FCHSD2: variants seen among roughly 807,000 people sequenced by gnomAD.
The protein encoded by FCHSD2 is FCH and double SH3 domains 2, also known as F-BAR and double SH3 domains protein 2.
Under a neutral mutation model 108.1 loss-of-function variants are expected in FCHSD2, and 38 were observed. The ratio of observed to expected loss-of-function variants is 0.35; its 90% CI spans 0.27 to 0.46. The LOEUF (loss-of-function observed/expected upper bound fraction) is 0.46, where lower values mean the gene tolerates loss of function less well. FCHSD2 is among the 20% of genes least tolerant of loss of function. FCHSD2 has a pLI of 1.00. For missense variants in FCHSD2, 751 were observed against 897.8 expected (o/e 0.84, Z 2.09); for synonymous variants, 279 against 314.7 (o/e 0.89, Z 1.20).
chr11:72,967,156 C>T (rs1205042384), intron 8 of FCHSD2, among the ~76,000 whole-genome samples: 3 of 150,000 alleles, frequency 2.0e-5, no homozygotes, highest in South Asian at 2.1e-4. Flanking sequence ...GCTGAGATCG[C>T]GCCACTGCAC....
At chr11:72,993,596 A>G (rs935307440) in intron 5 of FCHSD2, among the ~76,000 whole-genome samples, 5 of 152,314 alleles carry the variant, frequency 3.3e-5, no homozygotes, top group Admixed American at 3.3e-4. Flanking sequence ...TGATGAGTTC[A>G]TGTCCTTTGT....
chr11:73,067,137 T>C (rs1379926646), intron 3 of FCHSD2, among the ~76,000 whole-genome samples: 3 of 152,124 alleles, frequency 2.0e-5, no homozygotes, highest in East Asian at 1.9e-4. Context: ...ATATACACCA[T>C]GGAATACCAT....
At chr11:73,022,743 A>G (rs1319455942) in intron 3 of FCHSD2, among the ~76,000 whole-genome samples, 1 of 152,152 alleles carries the variant, frequency 6.6e-6, no homozygotes, top group Non-Finnish European at 1.5e-5. Flanking sequence ...CAAAATTCAG[A>G]AAAATAAGAA....
At chr11:73,114,936 A>C (rs774779216) in intron 2 of FCHSD2, among the ~76,000 whole-genome samples, 66 of 152,152 alleles carry the variant, frequency 4.3e-4, no homozygotes, top group Non-Finnish European at 8.1e-4. Flanking sequence ...CTGGTGTCTC[A>C]CTAGGTCATG....
intron 9 of FCHSD2, among the ~76,000 whole-genome samples, chr11:72,910,668 C>T (rs1186930356): frequency 2.6e-5 from 4 of 151,906 alleles, no homozygotes; most frequent in Admixed American, 1.3e-4. Context: ...TCTCAAGTAC[C>T]CAGGGATACA....
rs539560771 is a variant in FCHSD2 at position 73,027,796 on chromosome 11, C to T, written c.166-11911G>A. On this transcript the variant is annotated intron_variant, in intron 3 of 19. Transcript: ENST00000409418. ...TGCTGCTCTGTGCAGCCTTGGGACA[C>T]GGTGCCCTGCACCCCAGCTGCTCCA... Among the ~76,000 whole-genome samples, 33 of 152,350 alleles carry T rather than the reference C, an allele frequency of 2.2e-4. No homozygotes were observed. The South Asian group carries it at 4.6e-3, about 21-fold the overall frequency.
rs60223064 is a variant in FCHSD2 at position 73,096,987 on chromosome 11, A to ATTTTTTTTTTTTTTTTTTTTTTTTTTT, written c.120-13274_120-13248dup. 1.6e-3 allele frequency among the ~76,000 whole-genome samples: 42 copies of ATTTTTTTTTTTTTTTTTTTTTTTTTTT among 27,044 alleles called. 16 individuals carry two copies. Among genetic ancestry groups the ATTTTTTTTTTTTTTTTTTTTTTTTTTT allele is most frequent in the East Asian group, 7.1e-3 (4 of 564 alleles). 17.7% of individuals were successfully genotyped at this position (27,044 alleles called of 152,430 possible). ...CTAATGTGATGTATTTCATTGATGG[A>ATTTTTTTTTTTTTTTTTTTTTTTTTTT]TTTTTTTTTTTTTTTTTTTTTTTTT... On this transcript the variant is annotated intron_variant, in intron 2 of 19. Coordinates refer to ENST00000409418, the MANE Select transcript of FCHSD2 (RefSeq NM_014824.3).
At chr11:72,865,879 C>T (rs1329333910) in intron 13 of FCHSD2, among the ~76,000 whole-genome samples, 1 of 152,186 alleles carries the variant, frequency 6.6e-6, no homozygotes, top group Non-Finnish European at 1.5e-5. Flanking sequence ...TCCAGTCATA[C>T]ACTGCCATGT....
intron 3 of FCHSD2, among the ~76,000 whole-genome samples, chr11:73,037,756 T>C (rs1858532527): frequency 6.6e-6 from 1 of 152,202 alleles, no homozygotes; most frequent in South Asian, 2.1e-4. Flanking sequence ...AAATGGGTTT[T>C]ACATTCTGAA....
At chr11:72,934,494 G>A (rs1466289463) in intron 8 of FCHSD2, among the ~76,000 whole-genome samples, 2 of 151,806 alleles carry the variant, frequency 1.3e-5, no homozygotes, top group African/African-American at 4.8e-5. Context: ...CCATACCCGG[G>A]TAATTTTTGT....
chr11:72,876,656 A>C (rs1854976630), intron 12 of FCHSD2, among the ~76,000 whole-genome samples: 1 of 152,206 alleles, frequency 6.6e-6, no homozygotes, highest in African/African-American at 2.4e-5. Flanking sequence ...TATGCAGTGG[A>C]GTTCGATGAA....
At chr11:72,913,829 A>C (rs1321980081) in intron 9 of FCHSD2, among the ~76,000 whole-genome samples, 32 of 150,134 alleles carry the variant, frequency 2.1e-4, no homozygotes, top group African/African-American at 6.9e-4. Context: ...AAACCCAAAA[A>C]AAAAACAAAA....
At chr11:72,858,383 G>C (rs1353302333) in intron 13 of FCHSD2, among the ~76,000 whole-genome samples, 1 of 152,170 alleles carries the variant, frequency 6.6e-6, no homozygotes, top group Non-Finnish European at 1.5e-5. Context: ...CCCATCAATG[G>C]TAGACTGGAT....
At chr11:72,896,764 TAAAAAAAA>T (rs58159831) in intron 10 of FCHSD2, among the ~76,000 whole-genome samples, 6 of 68,408 alleles carry the variant, frequency 8.8e-5, no homozygotes, top group Admixed American at 1.8e-4. Context: ...GGGAAAATAC[TAAAAAAAA>T]AAAAAAAAAA....
chr11:73,092,524 A>G (rs1242717735), intron 2 of FCHSD2, among the ~76,000 whole-genome samples: 5 of 152,042 alleles, frequency 3.3e-5, no homozygotes, highest in Non-Finnish European at 7.4e-5. Flanking sequence ...ATTTAAGTAT[A>G]CTCTGTATCT....
At chr11:73,053,008 A>C (rs7947165) in intron 3 of FCHSD2, among the ~76,000 whole-genome samples, 1 of 151,852 alleles carries the variant, frequency 6.6e-6, no homozygotes, top group Non-Finnish European at 1.5e-5. Context: ...CACCACACCT[A>C]GCTAATTTTT....
intron 10 of FCHSD2, among the ~76,000 whole-genome samples, chr11:72,893,955 T>C (rs1354152265): frequency 2.6e-5 from 4 of 152,160 alleles, no homozygotes; most frequent in Non-Finnish European, 5.9e-5. Context: ...TTAAGGTTAA[T>C]ACAAAGGCAT....
intron 4 of FCHSD2, among the ~76,000 whole-genome samples, 161 bp downstream of exon 4, chr11:73,015,648 T>C (rs1857955422): frequency 6.6e-6 from 1 of 152,172 alleles, no homozygotes; most frequent in South Asian, 2.1e-4. Context: ...TTATTTAATG[T>C]TATAAAACAT....
rs534187544 is a variant in FCHSD2, at chr11:72,879,008, G to A, written c.1146+8462C>T. On this transcript the variant is annotated intron_variant, in intron 12 of 19. Coordinates refer to ENST00000409418, the MANE Select transcript of FCHSD2 (RefSeq NM_014824.3). Reference sequence around the variant, plus strand: ...ACCTGTAATCCCAGCTACTTGGGAAGCTGAGGCAGGGGAACTGCTTGAACC... The same window carrying A: ...ACCTGTAATCCCAGCTACTTGGGAAACTGAGGCAGGGGAACTGCTTGAACC... Among the ~76,000 whole-genome samples the A allele has an allele frequency of 4.0e-4, 61 of 152,260 alleles. 1 individual carries two copies. Among genetic ancestry groups the A allele is most frequent in the Admixed American group, 3.9e-3 (59 of 15,298 alleles).
Sources: allele counts gnomAD v4.1 joint callset (sites outside exome capture counted in the v4.1 genomes callset), GRCh38; gene constraint gnomAD v4.1.1; transcripts MANE v1.5; gene names NCBI Gene and HGNC (gene_info 2026-07-23, HGNC 2026-07-21).